The following SMARCA1 variants were observed in gnomAD, a reference collection of about 807,000 sequenced individuals.
SMARCA1 encodes SNF2 related chromatin remodeling ATPase 1.
SMARCA1 carries 17 observed loss-of-function variants against 93.6 expected under a neutral mutation model. The ratio of observed to expected loss-of-function variants is 0.18; its 90% confidence interval spans 0.12 to 0.27. The LOEUF is 0.27. Ranked by LOEUF, SMARCA1 falls within the 10% of genes least tolerant of loss-of-function variation. The pLI, the probability that SMARCA1 is intolerant of heterozygous loss-of-function variation, is 1.00. For synonymous variants in SMARCA1, 271 were observed against 271.4 expected (o/e 1.00, Z 0.01); for missense variants, 630 against 819.0 (o/e 0.77, Z 2.82).
rs905038292 is a variant in SMARCA1 at position 129,446,569 on chromosome X, C to G, written c.*593G>C. 7 of 112,374 alleles carry G rather than the reference C, an allele frequency of 6.2e-5. No individual in the cohort carries two copies. Among genetic ancestry groups the G allele is most frequent in the African/African-American group, 2.3e-4 (7 of 30,864 alleles). The allele number at this position is 112,374 out of a possible 1,213,427, so 9.3% of individuals were successfully genotyped here. Reference sequence around the variant, plus strand: ...AATAGAGAATAATTTAAATGTAATGCATACTGACAGCAAGCACAGTATCAA... The same window carrying G: ...AATAGAGAATAATTTAAATGTAATGGATACTGACAGCAAGCACAGTATCAA... On this transcript the variant is annotated 3_prime_UTR_variant, in exon 25 of 25. Transcript: ENST00000371121.
intron 9 of SMARCA1, among the ~76,000 whole-genome samples, chrX:129,500,192 G>C (rs547601445): frequency 9.0e-6 from 1 of 110,838 alleles, no homozygotes; most frequent in Non-Finnish European, 1.9e-5. Context: ...TTTGGAGACA[G>C]AGTCTCACCC....
intron 12 of SMARCA1, among the ~76,000 whole-genome samples, chrX:129,495,472 C>T (rs1399266077): frequency 2.7e-5 from 3 of 111,862 alleles, no homozygotes; most frequent in Non-Finnish European, 5.6e-5. Context: ...CCTCCTGCCT[C>T]GGCCTCCAGA....
intron 7 of SMARCA1, among the ~76,000 whole-genome samples, chrX:129,506,667 G>A (rs1317690922): frequency 1.1e-5 from 1 of 89,333 alleles, no homozygotes; most frequent in African/African-American, 4.3e-5. Flanking sequence ...TCCACCCTGG[G>A]CAACGGAGTG....
At chrX:129,467,715 T>G (rs1707477876) in intron 21 of SMARCA1, among the ~76,000 whole-genome samples, 3 of 110,959 alleles carry the variant, frequency 2.7e-5, no homozygotes, top group Admixed American at 1.9e-4. Context: ...CTAGATAAAT[T>G]AAAAGCTGTT....
At chrX:129,505,062 A>T (rs1934759981) in intron 8 of SMARCA1, among the ~76,000 whole-genome samples, 1 of 111,891 alleles carries the variant, frequency 8.9e-6, no homozygotes, top group African/African-American at 3.3e-5. Context: ...CCCATACTGT[A>T]GCAATATTAT....
intron 23 of SMARCA1, among the ~76,000 whole-genome samples, chrX:129,458,321 G>A (rs1271723244): frequency 8.9e-6 from 1 of 112,239 alleles, no homozygotes; most frequent in Non-Finnish European, 1.9e-5. Flanking sequence ...CAGGTGGGGG[G>A]CCACAGTTTC....
chrX:129,472,549 T>C (rs1484428395), intron 19 of SMARCA1, among the ~76,000 whole-genome samples: 2 of 111,823 alleles, frequency 1.8e-5, no homozygotes, highest in Non-Finnish European at 3.8e-5. Context: ...TAACTGAGCA[T>C]TAAAAAGAAA....
chrX:129,481,103 A>C lies in SMARCA1; in HGVS notation c.2300T>G (p.Leu767Trp), dbSNP rs1442703369. 8.3e-7 allele frequency: 1 copy of C among 1,203,190 alleles called. No individual in the cohort carries two copies. The highest frequency in any genetic ancestry group is 1.1e-6 in the Non-Finnish European group (1 of 889,627). ...YAVDAYFREALRVSEPKIPKA... is the reference protein window; with the variant it reads ...YAVDAYFREAWRVSEPKIPKA... The stretch of plus-strand genomic sequence containing the variant: ...TGGAATCTTTGGCTCGCTGACACGC[A>C]AAGCCTCTCTAAAGTAGGCATCCAC... The change falls in exon 18 of 25, where the codon TTG becomes TGG. Residue 767 changes from leucine to tryptophan, a missense_variant. Transcript: ENST00000371121.
At chrX:129,460,388 C>T (rs1307777967) in intron 23 of SMARCA1, among the ~76,000 whole-genome samples, 1 of 110,577 alleles carries the variant, frequency 9.0e-6, no homozygotes, top group Non-Finnish European at 1.9e-5. Context: ...TGTCTCATGC[C>T]TGTTATCCCA....
At chrX:129,501,587 C>T (rs1027420620) in intron 9 of SMARCA1, among the ~76,000 whole-genome samples, 79 of 106,152 alleles carry the variant, frequency 7.4e-4, no homozygotes, top group Admixed American at 1.4e-3. Flanking sequence ...TGAGCCACTG[C>T]GCCCGGCCCG....
intron 23 of SMARCA1, among the ~76,000 whole-genome samples, chrX:129,454,168 C>T (rs1169292478): frequency 9.0e-6 from 1 of 111,691 alleles, no homozygotes; most frequent in Non-Finnish European, 1.9e-5. Context: ...CTTTGACAAA[C>T]CTGACAAAAA....
In SMARCA1 at chrX:129,496,769, G is replaced by A; in HGVS notation, c.1607C>T (p.Thr536Ile). 1.7e-6 allele frequency: 2 copies of A among 1,205,615 alleles called. No homozygotes were observed. Among genetic ancestry groups the A allele is most frequent in the Non-Finnish European group, 2.2e-6 (2 of 891,920 alleles). The change falls in exon 12 of 25, where the codon ACC becomes ATC. Residue 536 changes from threonine (T) to isoleucine (I), a missense_variant. Transcript: ENST00000371121. ...GYEYCRLDGQ[T>I]PHEEREDKFL... The stretch of plus-strand genomic sequence containing the variant: ...CCTCACCTCTCTTTCTTCATGCGGG[G>A]TTTGTCCATCCAGTCGACAATACTC...
chrX:129,510,278 TG>T (rs1400229346), intron 6 of SMARCA1, among the ~76,000 whole-genome samples: 1 of 112,860 alleles, frequency 8.9e-6, no homozygotes, highest in Non-Finnish European at 1.9e-5. Flanking sequence ...CTCTGCAATT[TG>T]CTATTCCATT....
chrX:129,517,844 A>T (rs147960384), intron 2 of SMARCA1, among the ~76,000 whole-genome samples: 3,389 of 111,847 alleles, frequency 0.03, 65 homozygotes, highest in Non-Finnish European at 0.045. Flanking sequence ...AACTAAGATT[A>T]TGCTGCTTAA....
At chrX:129,515,596 G>C (rs1935168124) in intron 5 of SMARCA1, 91 bp downstream of exon 5, 2 of 568,835 alleles carry the variant, frequency 3.5e-6, no homozygotes, top group Non-Finnish European at 6.1e-6. Context: ...AAAGCCTCCA[G>C]GCATCAGGGG....
chrX:129,451,859 A>C (rs1252168054), intron 23 of SMARCA1, among the ~76,000 whole-genome samples: 4 of 110,176 alleles, frequency 3.6e-5, no homozygotes, highest in Non-Finnish European at 5.7e-5. Context: ...GCCCGCCACC[A>C]CACCCGGCTA....
In SMARCA1 at chrX:129,490,212, T is replaced by C; in HGVS notation, c.1816-20A>G. 1 of 1,118,334 alleles carries C rather than the reference T, an allele frequency of 8.9e-7. No homozygotes were observed. Among genetic ancestry groups the C allele is most frequent in the Non-Finnish European group, 1.2e-6 (1 of 830,236 alleles). 92.2% of individuals were successfully genotyped at this position (1,118,334 alleles called of 1,213,427 possible). A position where few individuals can be genotyped will look rare whatever the true frequency, so the allele number is the denominator to read the frequency against. The stretch of plus-strand genomic sequence containing the variant: ...TCGATCCTAGTAGAAAGAGTTCTAA[T>C]GTAAGATATTGGATATTCTGGATAA... On this transcript the variant is annotated intron_variant, in intron 14 of 24. Transcript: ENST00000371121.
chrX:129,466,397 G>A (rs1932907140), intron 21 of SMARCA1, among the ~76,000 whole-genome samples: 1 of 111,847 alleles, frequency 8.9e-6, no homozygotes, highest in Admixed American at 9.5e-5. Context: ...GGCTCACACT[G>A]TAATCCCAGC....
At chrX:129,466,548 G>A (rs1171558329) in intron 21 of SMARCA1, among the ~76,000 whole-genome samples, 6 of 110,687 alleles carry the variant, frequency 5.4e-5, no homozygotes, top group Non-Finnish European at 3.8e-5. Context: ...GCAGCTACTC[G>A]GGAAGCTGAG....
Sources: allele counts gnomAD v4.1 joint callset (sites outside exome capture counted in the v4.1 genomes callset), GRCh38; gene constraint gnomAD v4.1.1; transcripts MANE v1.5; gene names NCBI Gene and HGNC (gene_info 2026-07-23, HGNC 2026-07-21).